The following CDC14B variants were observed in gnomAD, a reference collection of about 807,000 sequenced individuals.
CDC14B encodes the protein dual specificity protein phosphatase CDC14B.
In CDC14B, 22 loss-of-function variants were observed where a neutral mutation model predicts 64.2. The observed-to-expected ratio is 0.34, with a 90% CI of 0.24 to 0.49. The LOEUF is 0.49. CDC14B is among the 20% of genes least tolerant of loss of function. The pLI is 0.99. For missense variants in CDC14B, 498 were observed against 629.9 expected (o/e 0.79, Z 2.24); for synonymous variants, 191 against 215.8 (o/e 0.89, Z 1.01).
rs113340683 is a variant in CDC14B at position 96,618,781 on chromosome 9, C to T, written c.160+438G>A. 7.2e-3 allele frequency: 2,552 copies of T among 352,330 alleles called. 72 individuals carry two copies. Among genetic ancestry groups the T allele is most frequent in the African/African-American group, 0.052 (2,353 of 44,830 alleles). The allele number at this position is 352,330 out of a possible 1,614,324, so 21.8% of individuals were successfully genotyped here. A position where few individuals can be genotyped will look rare whatever the true frequency, so the allele number is the denominator to read the frequency against. The stretch of plus-strand genomic sequence containing the variant: ...AAAGGGGCAGCTCCCGTGCCAGGCG[C>T]GTTCAGCGCGCTCGGGGAATCCTCA... On this transcript the variant is annotated intron_variant, in intron 1 of 13. Coordinates refer to ENST00000375241, the MANE Select transcript of CDC14B (RefSeq NM_033331.4).
chr9:96,564,440 A>G (rs1031188230), intron 3 of CDC14B, among the ~76,000 whole-genome samples: 6 of 152,214 alleles, frequency 3.9e-5, no homozygotes, highest in African/African-American at 1.4e-4. Flanking sequence ...CAATGGCCAC[A>G]GCAAGGGAAG....
chr9:96,539,114 G>C lies in CDC14B; in HGVS notation c.591C>G (p.Phe197Leu). 1 of 1,609,528 alleles carries C rather than the reference G, an allele frequency of 6.2e-7. No individual in the cohort carries two copies. Among genetic ancestry groups the C allele is most frequent in the Non-Finnish European group, 8.5e-7 (1 of 1,176,056 alleles). ...KKAMQYGFLN[F>L]NSFNLDEYEH... ...CATATTCATCAAGGTTAAATGAGTT[G>C]AAATTAAGGAAGCCATACTGCATTG... The change falls in exon 7 of 14, where the codon TTC becomes TTG. Residue 197 changes from phenylalanine to leucine, a missense_variant. Transcript: ENST00000375241.
At chr9:96,571,916 C>A (rs961569822) in intron 1 of CDC14B, among the ~76,000 whole-genome samples, 1 of 152,306 alleles carries the variant, frequency 6.6e-6, no homozygotes, top group Admixed American at 6.5e-5. Context: ...TCTGAACAGA[C>A]AGGCCTTGCT....
At chr9:96,540,738 G>C (rs1839934552) in intron 6 of CDC14B, among the ~76,000 whole-genome samples, 1 of 152,016 alleles carries the variant, frequency 6.6e-6, no homozygotes, top group Non-Finnish European at 1.5e-5. Flanking sequence ...CACCTGGCAG[G>C]GGCTGCAACT....
chr9:96,531,651 T>C (rs1443918730), intron 9 of CDC14B, among the ~76,000 whole-genome samples: 2 of 151,786 alleles, frequency 1.3e-5, no homozygotes, highest in Non-Finnish European at 2.9e-5. Context: ...AATATACTAC[T>C]TGCAATTTTT....
At chr9:96,504,892 A>G (rs1587718219) in intron 13 of CDC14B, among the ~76,000 whole-genome samples, 1 of 152,286 alleles carries the variant, frequency 6.6e-6, no homozygotes, top group Middle Eastern at 3.4e-3. Context: ...CTAAGGAAAG[A>G]GGCCGGGCGC....
chr9:96,539,041 G>A, intron 7 of CDC14B, 37 bp downstream of exon 7: 1 of 1,321,766 alleles, frequency 7.6e-7, no homozygotes, highest in Non-Finnish European at 1.1e-6. Flanking sequence ...CTGGGCGGGG[G>A]GAGGAAGAGT....
downstream of CDC14B, among the ~76,000 whole-genome samples, chr9:96,495,120 C>T (rs1833194340): frequency 1.3e-5 from 2 of 152,082 alleles, no homozygotes; most frequent in Admixed American, 6.5e-5. Flanking sequence ...AGGCGTGAGC[C>T]ACCGCGCCTG....
chr9:96,524,909 T>C (rs902281811), intron 9 of CDC14B, among the ~76,000 whole-genome samples: 10 of 152,206 alleles, frequency 6.6e-5, no homozygotes, highest in African/African-American at 1.9e-4. Flanking sequence ...ATTTGGATCA[T>C]GAGATAGGGG....
At chr9:96,510,787 G>A (rs867759554) in intron 12 of CDC14B, among the ~76,000 whole-genome samples, 6 of 152,122 alleles carry the variant, frequency 3.9e-5, no homozygotes, top group African/African-American at 1.4e-4. Context: ...TGTATTTTTA[G>A]TAGAGATGAG....
chr9:96,616,339 C>G (rs1296038782), intron 1 of CDC14B, among the ~76,000 whole-genome samples: 1 of 151,700 alleles, frequency 6.6e-6, no homozygotes, highest in Non-Finnish European at 1.5e-5. Flanking sequence ...AAAAAGAGAA[C>G]TAATCTTGCT....
At chr9:96,596,364 CA>C (rs113025946) in intron 1 of CDC14B, among the ~76,000 whole-genome samples, 79 of 74,038 alleles carry the variant, frequency 1.1e-3, no homozygotes, top group South Asian at 4.4e-3. Context: ...GACTCCATCT[CA>C]AAAAAAAAAA....
At chr9:96,618,361 C>A in intron 1 of CDC14B, 2 of 395,470 alleles carry the variant, frequency 5.1e-6, no homozygotes, top group Non-Finnish European at 1.0e-5. Flanking sequence ...CCACATACAT[C>A]ATCACATTTA....
chr9:96,617,558 T>C (rs1847708555), intron 1 of CDC14B, among the ~76,000 whole-genome samples: 1 of 152,182 alleles, frequency 6.6e-6, no homozygotes, highest in African/African-American at 2.4e-5. Flanking sequence ...ACAATCATTC[T>C]AATAAGAAAC....
At position 96,604,342 on chromosome 9, in the gene CDC14B, TTTATTATTATTATTATTA is replaced by T. The variant is rs148185898; in HGVS notation, c.160+14859_160+14876del. ...TTGAAAAGGCCTCGTGAAGCTTGCA[TTTATTATTATTATTATTA>T]TTATTATTATTATTATTATTATTAT... On this transcript the variant is annotated intron_variant, in intron 1 of 13. Transcript: ENST00000375241. Among the ~76,000 whole-genome samples, 466 of 131,840 alleles carry T rather than the reference TTTATTATTATTATTATTA, an allele frequency of 3.5e-3. 3 individuals carry two copies. Among genetic ancestry groups the T allele is most frequent in the African/African-American group, 8.4e-3 (277 of 32,820 alleles). 86.5% of individuals were successfully genotyped at this position (131,840 alleles called of 152,430 possible).
intron 1 of CDC14B, among the ~76,000 whole-genome samples, chr9:96,602,016 G>A (rs1846511450): frequency 1.4e-5 from 2 of 140,992 alleles, no homozygotes; most frequent in African/African-American, 2.6e-5. Flanking sequence ...CCAGGATCGC[G>A]CCACTGCACT....
At chr9:96,542,644 G>T (rs1840225978) in intron 5 of CDC14B, among the ~76,000 whole-genome samples, 1 of 151,114 alleles carries the variant, frequency 6.6e-6, no homozygotes, top group South Asian at 2.1e-4. Flanking sequence ...ATGTATCACC[G>T]CATCTAGCTA....
Position 96,573,869 on chromosome 9 carries a change from C to G in CDC14B, c.161-8386G>C, listed in dbSNP as rs1264070025. On this transcript the variant is annotated intron_variant, in intron 1 of 13. Coordinates refer to ENST00000375241, the MANE Select transcript of CDC14B (RefSeq NM_033331.4). ...ACATTGTGAAAAAAAACAAGAAGGC[C>G]GGGTGCAGTGGCTCATGCCTGTAAT... 3.9e-5 allele frequency among the ~76,000 whole-genome samples: 6 copies of G among 152,020 alleles called. No homozygotes were observed. In the East Asian group the frequency reaches 1.2e-3, roughly 29 times the overall value.
At chr9:96,571,516 T>C (rs2118020344) in intron 1 of CDC14B, among the ~76,000 whole-genome samples, 2 of 152,148 alleles carry the variant, frequency 1.3e-5, no homozygotes, top group Middle Eastern at 3.4e-3. Context: ...AATTTTAAAG[T>C]GTGACAAAAA....
Sources: allele counts gnomAD v4.1 joint callset (sites outside exome capture counted in the v4.1 genomes callset), GRCh38; gene constraint gnomAD v4.1.1; transcripts MANE v1.5; gene names NCBI Gene and HGNC (gene_info 2026-07-23, HGNC 2026-07-21).